The following RGS17 variants were observed in gnomAD, a reference collection of about 807,000 sequenced individuals.
The protein encoded by RGS17 is regulator of G-protein signaling 17.
A neutral mutation model predicts 25.5 loss-of-function variants in RGS17; 12 were observed. That is an observed-to-expected ratio of 0.47 (90% CI 0.30 to 0.76). The LOEUF (loss-of-function observed/expected upper bound fraction) is 0.76. Ranked by LOEUF, RGS17 falls within the 30% of genes least tolerant of loss-of-function variation. The pLI is 0.07. For missense variants in RGS17, 196 were observed against 242.2 expected (o/e 0.81, Z 1.27); for synonymous variants, 71 against 76.9 (o/e 0.92, Z 0.40).
At chr6:153,119,354 A>G (rs1777589401) in intron 1 of RGS17, among the ~76,000 whole-genome samples, 1 of 152,112 alleles carries the variant, frequency 6.6e-6, no homozygotes. Flanking sequence ...TAAACTTGCT[A>G]CCTTTCAAGG....
intron 2 of RGS17, among the ~76,000 whole-genome samples, chr6:153,037,281 G>A (rs985424032): frequency 2.6e-5 from 4 of 151,946 alleles, no homozygotes; most frequent in Non-Finnish European, 2.9e-5. Flanking sequence ...GAATGTGCCT[G>A]TAATTTTTGA....
intron 1 of RGS17, among the ~76,000 whole-genome samples, chr6:153,085,748 A>G (rs1011131340): frequency 2.0e-5 from 3 of 152,178 alleles, no homozygotes; most frequent in African/African-American, 4.8e-5. Context: ...CATTTCCTTC[A>G]TTACTCTTAC....
At chr6:153,037,967 G>A (rs550004343) in intron 2 of RGS17, among the ~76,000 whole-genome samples, 4 of 152,318 alleles carry the variant, frequency 2.6e-5, no homozygotes, top group African/African-American at 9.6e-5. Context: ...CTCTAGGGCA[G>A]AGGGAGCCAT....
At chr6:153,055,398 T>G (rs1417782149) in intron 1 of RGS17, among the ~76,000 whole-genome samples, 2 of 152,164 alleles carry the variant, frequency 1.3e-5, no homozygotes, top group South Asian at 2.1e-4. Flanking sequence ...CTCTCAAATA[T>G]TTTTGAATAT....
intron 1 of RGS17, among the ~76,000 whole-genome samples, chr6:153,106,394 G>A (rs563332430): frequency 6.6e-6 from 1 of 151,764 alleles, no homozygotes; most frequent in East Asian, 2.0e-4. Flanking sequence ...AAGGCACACA[G>A]AAGTGGCAAA....
intron 1 of RGS17, among the ~76,000 whole-genome samples, chr6:153,075,921 T>C (rs1402382217): frequency 1.3e-5 from 2 of 152,294 alleles, no homozygotes; most frequent in African/African-American, 4.8e-5. Context: ...GACAAACCGA[T>C]GGTAATAGTG....
chr6:153,096,058 A>G (rs957392523), intron 1 of RGS17, among the ~76,000 whole-genome samples: 3 of 152,226 alleles, frequency 2.0e-5, no homozygotes, highest in African/African-American at 7.2e-5. Context: ...CTGGGTAGAA[A>G]TAATTTCCAA....
rs1050914604 is a variant in RGS17, at chr6:153,130,894, T to G, written c.-26+230A>C. ...ACCGCGTCCAGGCAGCGACGCGGGA[T>G]TCAACTTCCCGGACCCGCGGCGCGG... On this transcript the variant is annotated intron_variant, in intron 1 of 4. Transcript: ENST00000206262. The surrounding 1 kb of genome is among the most constrained non-coding windows in gnomAD (Gnocchi z 6.4). Among the ~76,000 whole-genome samples the G allele has an allele frequency of 4.6e-5, 7 of 151,710 alleles. No individual in the cohort carries two copies. The highest frequency in any genetic ancestry group is 1.0e-4 in the Non-Finnish European group (7 of 67,876).
At chr6:153,114,168 AATAG>A (rs1326273748) in intron 1 of RGS17, among the ~76,000 whole-genome samples, 4 of 152,222 alleles carry the variant, frequency 2.6e-5, no homozygotes, top group African/African-American at 4.8e-5. Flanking sequence ...AGATTAGCAA[AATAG>A]ATAGACTGCT....
chr6:153,037,171 AACACAC>A (rs61117365), intron 2 of RGS17, among the ~76,000 whole-genome samples: 2,110 of 145,036 alleles, frequency 0.015, 40 homozygotes, highest in African/African-American at 0.048. Context: ...CTACCTTTAA[AACACAC>A]ACACACACAC....
intron 1 of RGS17, among the ~76,000 whole-genome samples, chr6:153,099,492 C>G (rs1200218823): frequency 6.6e-6 from 1 of 152,040 alleles, no homozygotes; most frequent in Non-Finnish European, 1.5e-5. Context: ...TGAGACAAAC[C>G]CTTTTCTAAA....
chr6:153,037,724 T>G (rs967257109), intron 2 of RGS17, among the ~76,000 whole-genome samples: 1 of 152,156 alleles, frequency 6.6e-6, no homozygotes, highest in South Asian at 2.1e-4. Flanking sequence ...ACACCCGGCC[T>G]ATTTTTTGCT....
At chr6:153,068,297 A>C (rs966405632) in intron 1 of RGS17, among the ~76,000 whole-genome samples, 8 of 151,706 alleles carry the variant, frequency 5.3e-5, no homozygotes, top group Non-Finnish European at 1.2e-4. Context: ...AATACAAAAA[A>C]CTAGCTGGGC....
chr6:153,065,302 A>G (rs1776692075), intron 1 of RGS17, among the ~76,000 whole-genome samples: 1 of 152,236 alleles, frequency 6.6e-6, no homozygotes, highest in African/African-American at 2.4e-5. Flanking sequence ...AACCAGATAT[A>G]TACAGCAAAT....
chr6:153,021,411 T>G (rs546457019), intron 4 of RGS17, among the ~76,000 whole-genome samples: 1 of 152,200 alleles, frequency 6.6e-6, no homozygotes. Context: ...AGGTACATAA[T>G]AGATTGAACT....
intron 2 of RGS17, among the ~76,000 whole-genome samples, chr6:153,031,690 G>T (rs751593965): frequency 2.0e-5 from 3 of 152,158 alleles, no homozygotes; most frequent in Non-Finnish European, 2.9e-5. Flanking sequence ...TTGTGGTATT[G>T]CAAGTGTTTA....
chr6:153,057,253 A>G lies in RGS17; in HGVS notation c.-25-13210T>C, dbSNP rs1458477538. ...TTGGGAAGAAAAAGAATGCTCCTCC[A>G]TCTTTCTTAATGGTCAAGATGCCGT... On this transcript the variant is annotated intron_variant, in intron 1 of 4. Transcript: ENST00000206262. 2.6e-5 allele frequency among the ~76,000 whole-genome samples: 4 copies of G among 152,172 alleles called. No individual in the cohort carries two copies. The South Asian group carries it at 6.2e-4, about 24-fold the overall frequency.
chr6:153,017,684 C>G (rs1584118688), intron 4 of RGS17, among the ~76,000 whole-genome samples: 1 of 152,010 alleles, frequency 6.6e-6, no homozygotes, highest in Non-Finnish European at 1.5e-5. Flanking sequence ...TGTAGAGAAC[C>G]TTTCTTTATG....
chr6:153,057,453 A>G (rs1214819425), intron 1 of RGS17, among the ~76,000 whole-genome samples: 2 of 152,142 alleles, frequency 1.3e-5, no homozygotes. Flanking sequence ...CAATATGGTG[A>G]GTAAACAAGC....
Sources: allele counts gnomAD v4.1 joint callset (sites outside exome capture counted in the v4.1 genomes callset), GRCh38; gene constraint gnomAD v4.1.1; non-coding constraint Gnocchi (gnomAD v3.1); transcripts MANE v1.5; gene names NCBI Gene and HGNC (gene_info 2026-07-23, HGNC 2026-07-21).